GET1: variants seen among roughly 807,000 people sequenced by gnomAD.
The protein encoded by GET1 is guided entry of tail-anchored proteins factor 1.
GET1 carries 20 observed loss-of-function variants against 22.6 expected under a neutral mutation model. That is an observed-to-expected ratio of 0.89 (90% CI 0.62 to 1.29). The LOEUF (loss-of-function observed/expected upper bound fraction) is 1.29, where lower values mean the gene tolerates loss of function less well. GET1 is among the 50% of genes most tolerant of loss of function. The pLI is 0.00. For missense variants in GET1, 209 were observed against 219.9 expected (o/e 0.95, Z 0.31); for synonymous variants, 92 against 83.8 (o/e 1.10, Z -0.53).
chr21:39,395,564 A>G (rs777649493), intron 4 of GET1, among the ~76,000 whole-genome samples: 9 of 152,050 alleles, frequency 5.9e-5, no homozygotes, highest in East Asian at 3.9e-4. Context: ...GGGTTTCACC[A>G]TGTTGGCCAG....
At chr21:39,419,315 A>G (rs936187287) in intron 1 of GET1, among the ~76,000 whole-genome samples, 1 of 152,116 alleles carries the variant, frequency 6.6e-6, no homozygotes, top group Admixed American at 6.6e-5. Context: ...GCTTGAGCCC[A>G]GGAGTTTGAG....
At chr21:39,380,711 A>G in intron 1 of GET1, 2 of 1,303,424 alleles carry the variant, frequency 1.5e-6, no homozygotes, top group Non-Finnish European at 2.0e-6. Flanking sequence ...ACACCGGGCA[A>G]CCCTGGACTC....
intron 1 of GET1, among the ~76,000 whole-genome samples, chr21:39,424,026 T>G (rs2074206877): frequency 6.6e-6 from 1 of 152,154 alleles, no homozygotes; most frequent in African/African-American, 2.4e-5. Flanking sequence ...TTTTTATTTT[T>G]TTTTGAGATG....
intron 1 of GET1, chr21:39,428,108 A>T: frequency 1.1e-6 from 1 of 871,632 alleles, no homozygotes; most frequent in Non-Finnish European, 1.8e-6. Flanking sequence ...TTCAAACACT[A>T]GTGCAGTAAA....
chr21:39,414,736 C>CTGTGTGTGTGTG (rs1445537335), intron 1 of GET1, among the ~76,000 whole-genome samples: 6 of 92,200 alleles, frequency 6.5e-5, no homozygotes, highest in Admixed American at 1.3e-4. Context: ...CTCTCTCTCT[C>CTGTGTGTGTGTG]TCTCTCTGTG....
chr21:39,392,314 G>A (rs2038354786), intron 3 of GET1, among the ~76,000 whole-genome samples: 1 of 152,144 alleles, frequency 6.6e-6, no homozygotes, highest in Non-Finnish European at 1.5e-5. Flanking sequence ...AGCCTCTCCT[G>A]GAGCTGTTGG....
downstream of GET1, chr21:39,411,142 T>C: frequency 3.2e-6 from 1 of 317,068 alleles, no homozygotes. Context: ...GGGATTCCAC[T>C]TACATGAAAT....
downstream of GET1, among the ~76,000 whole-genome samples, chr21:39,400,115 C>G (rs2038803201): frequency 1.3e-5 from 2 of 152,058 alleles, no homozygotes; most frequent in African/African-American, 4.8e-5. Context: ...CCTGGGGGGG[C>G]TCTCTGGCCT....
downstream of GET1, among the ~76,000 whole-genome samples, chr21:39,408,112 C>G (rs995918173): frequency 6.6e-6 from 1 of 152,228 alleles, no homozygotes; most frequent in African/African-American, 2.4e-5. Flanking sequence ...TCAGAAGTTG[C>G]TCTTACCCAG....
At chr21:39,409,637 G>A (rs997337107), downstream of GET1, among the ~76,000 whole-genome samples, 19 of 152,102 alleles carry the variant, frequency 1.2e-4, no homozygotes, top group Admixed American at 5.2e-4. This position sits in a 1 kb window ranked among gnomAD's most constrained non-coding sequence, Gnocchi z 4.2. Context: ...CTGTCACCCA[G>A]GTTGGAGTGC....
chr21:39,383,168 A>C (rs1039540294), intron 1 of GET1, among the ~76,000 whole-genome samples: 3 of 151,240 alleles, frequency 2.0e-5, no homozygotes, highest in Non-Finnish European at 2.9e-5. Context: ...ATTAGCCAGG[A>C]TGGTCTCGAT....
At chr21:39,383,768 T>C (rs1433689035) in intron 1 of GET1, among the ~76,000 whole-genome samples, 1 of 147,076 alleles carries the variant, frequency 6.8e-6, no homozygotes, top group African/African-American at 2.5e-5. Flanking sequence ...TGAGAGGGAG[T>C]CTCTCTCTGT....
chr21:39,411,794 A>G, intron 1 of GET1: 1 of 1,581,800 alleles, frequency 6.3e-7, no homozygotes, highest in South Asian at 1.2e-5. Flanking sequence ...CAAGCTCACG[A>G]TCCTTTTCCT....
At chr21:39,409,918 A>C, downstream of GET1, 1 of 958,954 alleles carries the variant, frequency 1.0e-6, no homozygotes, top group Non-Finnish European at 1.6e-6. This position sits in a 1 kb window ranked among gnomAD's most constrained non-coding sequence, Gnocchi z 4.2. Flanking sequence ...TTATATACAC[A>C]TATAGTAATT....
At chr21:39,391,988 G>C in intron 3 of GET1, 152 bp downstream of exon 3, 1 of 677,820 alleles carries the variant, frequency 1.5e-6, no homozygotes, top group Non-Finnish European at 2.6e-6. Flanking sequence ...AAACACTCTC[G>C]GTCTCTAAGT....
intron 1 of GET1, chr21:39,414,319 G>A (rs567194674): frequency 3.3e-5 from 5 of 152,278 alleles, no homozygotes; most frequent in South Asian, 2.1e-4. Context: ...GGTGTAAGAC[G>A]GGTGGCAGTA....
intron 3 of GET1, 187 bp downstream of exon 3, chr21:39,392,023 TGAG>T (rs2038333617): frequency 1.7e-6 from 1 of 572,728 alleles, no homozygotes; most frequent in Non-Finnish European, 3.1e-6. Flanking sequence ...GCCTTTCTCT[TGAG>T]GAGAGTTGTT....
At chr21:39,422,653 C>A in intron 1 of GET1, 2 of 414,918 alleles carry the variant, frequency 4.8e-6, no homozygotes, top group South Asian at 7.9e-5. Flanking sequence ...ACAATGCAAT[C>A]TTTTCAGCAC....
chr21:39,383,003 T>G (rs2037649409), intron 1 of GET1, among the ~76,000 whole-genome samples: 1 of 152,078 alleles, frequency 6.6e-6, no homozygotes, highest in African/African-American at 2.4e-5. Context: ...CAGGCTGGAG[T>G]GCAGTAGCGC....
Sources: allele counts gnomAD v4.1 joint callset (sites outside exome capture counted in the v4.1 genomes callset), GRCh38; gene constraint gnomAD v4.1.1; non-coding constraint Gnocchi (gnomAD v3.1); transcripts MANE v1.5; gene names NCBI Gene and HGNC (gene_info 2026-07-23, HGNC 2026-07-21).